Variants in ALDH1A1 observed in about 807,000 individuals in gnomAD.
The protein encoded by ALDH1A1 is aldehyde dehydrogenase 1A1.
In ALDH1A1, 19 loss-of-function variants were observed where a neutral mutation model predicts 62.1. The ratio of observed to expected loss-of-function variants is 0.31; its 90% CI spans 0.21 to 0.45. ALDH1A1 has a LOEUF of 0.45. Among genes scored for constraint, ALDH1A1 ranks in the 20% least tolerant of loss-of-function variants. ALDH1A1 has a pLI of 1.00. For synonymous variants in ALDH1A1, 231 were observed against 215.9 expected (o/e 1.07, Z -0.61); for missense variants, 521 against 607.1 (o/e 0.86, Z 1.49).
intron 7 of ALDH1A1, among the ~76,000 whole-genome samples, chr9:72,920,723 A>G (rs1830129357): frequency 6.6e-6 from 1 of 152,242 alleles, no homozygotes; most frequent in South Asian, 2.1e-4. Context: ...CAAAACAAAG[A>G]GACATTAATT....
intron 11 of ALDH1A1, 84 bp downstream of exon 11, chr9:72,909,518 A>G: frequency 7.6e-7 from 1 of 1,321,256 alleles, no homozygotes; most frequent in Middle Eastern, 2.0e-4. Context: ...TCCAAATGAA[A>G]AATCCAAGTC....
At chr9:72,943,434 T>C (rs1830439448) in intron 1 of ALDH1A1, among the ~76,000 whole-genome samples, 1 of 152,162 alleles carries the variant, frequency 6.6e-6, no homozygotes, top group South Asian at 2.1e-4. Context: ...AAGCTGTACA[T>C]AAAACTGCCA....
chr9:72,928,268 T>C (rs961470851), intron 4 of ALDH1A1, among the ~76,000 whole-genome samples: 2 of 152,066 alleles, frequency 1.3e-5, no homozygotes, highest in African/African-American at 4.8e-5. Context: ...TCACATGAAA[T>C]ATCTTTAGTA....
chr9:72,905,941 T>G lies in ALDH1A1; in HGVS notation c.1433+17A>C, dbSNP rs3739960. Reference sequence around the variant, plus strand: ...TCATAAAAATAAATATTTATCTTAATAGAACGTTAATCTTACAGTTCTCTT... The same window carrying G: ...TCATAAAAATAAATATTTATCTTAAGAGAACGTTAATCTTACAGTTCTCTT... On this transcript the variant is annotated intron_variant, in intron 12 of 12. Transcript: ENST00000297785. The G allele has an allele frequency of 3.7e-4, 572 of 1,563,148 alleles. 5 individuals are homozygous for G. In the East Asian group the frequency reaches 0.012, roughly 32 times the overall value.
chr9:72,925,295 G>C (rs1328982828), intron 6 of ALDH1A1, among the ~76,000 whole-genome samples, 189 bp downstream of exon 6: 1 of 152,188 alleles, frequency 6.6e-6, no homozygotes, highest in Non-Finnish European at 1.5e-5. Context: ...CTTCCTGTCT[G>C]CATTTGGGCA....
At chr9:72,925,701 G>A in intron 5 of ALDH1A1, 89 bp from the exon 6 acceptor site, 1 of 1,398,806 alleles carries the variant, frequency 7.1e-7, no homozygotes, top group East Asian at 2.4e-5. Flanking sequence ...CCCTGTAGAT[G>A]TTATGTAATA....
chr9:72,943,623 C>G (rs146718592), intron 1 of ALDH1A1, among the ~76,000 whole-genome samples: 139 of 152,268 alleles, frequency 9.1e-4, no homozygotes, highest in African/African-American at 3.3e-3. Context: ...GTGAGCCCAA[C>G]TTGTGTTTGA....
intron 9 of ALDH1A1, among the ~76,000 whole-genome samples, chr9:72,916,177 C>T (rs1830060581): frequency 6.6e-6 from 1 of 152,058 alleles, no homozygotes; most frequent in Non-Finnish European, 1.5e-5. Flanking sequence ...TGCCAAATGT[C>T]CCCGGGGTGA....
chr9:72,908,583 GAAAGAAAGAAA>G (rs1564622717), intron 11 of ALDH1A1, among the ~76,000 whole-genome samples: 4 of 129,100 alleles, frequency 3.1e-5, no homozygotes, highest in Non-Finnish European at 6.7e-5. Flanking sequence ...AAGAAAGAAA[GAAAGAAAGAAA>G]GAAAGAAAGA....
chr9:72,952,501 A>C (rs1312313046), intron 1 of ALDH1A1, among the ~76,000 whole-genome samples: 1 of 151,934 alleles, frequency 6.6e-6, no homozygotes. Context: ...TTTATTAAAC[A>C]TATTGGAAAG....
At chr9:72,936,192 A>G (rs572817291) in intron 2 of ALDH1A1, among the ~76,000 whole-genome samples, 4 of 152,304 alleles carry the variant, frequency 2.6e-5, no homozygotes, top group African/African-American at 9.6e-5. Flanking sequence ...AGTGGCAAAC[A>G]TTTCTAAGTC....
chr9:72,948,896 A>G (rs1196463373), intron 1 of ALDH1A1, among the ~76,000 whole-genome samples: 2 of 151,862 alleles, frequency 1.3e-5, no homozygotes, highest in African/African-American at 4.8e-5. Flanking sequence ...CAAAGGAGGT[A>G]TTTGGAAGTT....
chr9:72,944,264 A>ATT lies in ALDH1A1; in HGVS notation c.67-4013_67-4012insAA, dbSNP rs1830449207. Among the ~76,000 whole-genome samples, 3 of 152,244 alleles carry ATT rather than the reference A, an allele frequency of 2.0e-5. No homozygotes were observed. In the South Asian group the frequency reaches 6.2e-4, roughly 31 times the overall value. On this transcript the variant is annotated intron_variant, in intron 1 of 12. Transcript: ENST00000297785. ...GAGACTAATTTCATAATCCTATCAT[A>ATT]AGGTCACAGGCTTTTGAAGGAGAGT...
chr9:72,945,737 T>C (rs1830466837), intron 1 of ALDH1A1, among the ~76,000 whole-genome samples: 1 of 151,928 alleles, frequency 6.6e-6, no homozygotes, highest in Non-Finnish European at 1.5e-5. Flanking sequence ...GCTGGATCTC[T>C]GGCAACTGCT....
At chr9:72,932,968 CT>C (rs1171718273) in intron 2 of ALDH1A1, among the ~76,000 whole-genome samples, 4 of 152,164 alleles carry the variant, frequency 2.6e-5, no homozygotes, top group Non-Finnish European at 4.4e-5. Context: ...GGAGAACTGG[CT>C]TCAAGATAAG....
At chr9:72,937,981 T>G (rs1225984941) in intron 2 of ALDH1A1, among the ~76,000 whole-genome samples, 1 of 152,158 alleles carries the variant, frequency 6.6e-6, no homozygotes, top group East Asian at 1.9e-4. Flanking sequence ...CTTGTTTTCA[T>G]CATACTGAAA....
intron 1 of ALDH1A1, among the ~76,000 whole-genome samples, chr9:72,946,355 A>T (rs923489802): frequency 3.3e-5 from 5 of 152,038 alleles, no homozygotes; most frequent in African/African-American, 1.2e-4. Flanking sequence ...GGAACGGTTC[A>T]GGCAAAGTTT....
chr9:72,948,395 C>A (rs898953665), intron 1 of ALDH1A1, among the ~76,000 whole-genome samples: 2 of 152,000 alleles, frequency 1.3e-5, no homozygotes, highest in African/African-American at 4.8e-5. Flanking sequence ...GCCAGCCGAT[C>A]TGGCCCCAGC....
chr9:72,903,014 G>A (rs899497560), intron 12 of ALDH1A1, among the ~76,000 whole-genome samples: 1 of 150,380 alleles, frequency 6.6e-6, no homozygotes, highest in Non-Finnish European at 1.5e-5. Context: ...TTTCCTCTCT[G>A]TACCCAGGAT....
Sources: allele counts gnomAD v4.1 joint callset (sites outside exome capture counted in the v4.1 genomes callset), GRCh38; gene constraint gnomAD v4.1.1; transcripts MANE v1.5; gene names NCBI Gene and HGNC (gene_info 2026-07-23, HGNC 2026-07-21).